Variants in NUGGC observed in about 807,000 individuals in gnomAD.
NUGGC encodes nuclear GTPase, germinal center associated.
In NUGGC, 58 loss-of-function variants were observed where a neutral mutation model predicts 92.6. That is an observed-to-expected ratio of 0.63 (90% CI 0.51 to 0.78). The LOEUF (loss-of-function observed/expected upper bound fraction) is 0.78. Among genes scored for constraint, NUGGC ranks in the 30% least tolerant of loss-of-function variants. The pLI is 0.00. For synonymous variants in NUGGC, 376 were observed against 366.4 expected, an observed-to-expected ratio of 1.03 and a Z score of -0.30; for missense variants, 925 against 964.6, an observed-to-expected ratio of 0.96 and a Z score of 0.54.
At chr8:28,080,158 T>C (rs570790169) in intron 1 of NUGGC, among the ~76,000 whole-genome samples, 2 of 152,170 alleles carry the variant, frequency 1.3e-5, no homozygotes, top group South Asian at 4.1e-4. Flanking sequence ...GCCAGGCTGG[T>C]CTCGAACCCC....
rs1809686501 is a variant in NUGGC at position 28,041,117 on chromosome 8, C to T, written c.1545G>A (p.Gln515=). ...AIAQCFACME[Q]PLQEGVRTAR... ...CGGTCCTGACCCCTTCTTGCAGAGGCTGCTCCATGCAGGCGAAGCACTGTG... is the reference window on the plus strand; with the variant it reads ...CGGTCCTGACCCCTTCTTGCAGAGGTTGCTCCATGCAGGCGAAGCACTGTG... The change falls in exon 13 of 19, where the codon CAG becomes CAA. Residue 515 remains glutamine, a synonymous_variant. Coordinates refer to ENST00000413272, the MANE Select transcript of NUGGC (RefSeq NM_001010906.2). 38 of 1,608,904 alleles carry T rather than the reference C, an allele frequency of 2.4e-5. No individual in the cohort carries two copies. The highest frequency in any genetic ancestry group is 3.2e-5 in the Non-Finnish European group (38 of 1,177,880).
intron 5 of NUGGC, 117 bp downstream of exon 5, chr8:28,068,099 G>T: frequency 1.6e-6 from 1 of 635,860 alleles, no homozygotes; most frequent in Non-Finnish European, 2.8e-6. Flanking sequence ...AAGGAAAGAA[G>T]GGAGAGAGGG....
At chr8:28,080,657 T>C (rs13271706) in intron 1 of NUGGC, among the ~76,000 whole-genome samples, 60,099 of 152,054 alleles carry the variant, frequency 0.4, 13,525 homozygotes, top group Middle Eastern at 0.52. Flanking sequence ...GATAGATCTA[T>C]CTAGATCTAG....
Position 28,030,345 on chromosome 8 carries a change from G to T in NUGGC, c.1982C>A (p.Ala661Asp), listed in dbSNP as rs1460571964. Residue 661 changes from alanine to aspartate, a missense_variant, in exon 16 of 19, where the codon GCC becomes GAC. Transcript: ENST00000413272. ...RKRRIYESLT[A>D]SVQSDLKLCY... ...GAGCTTCAGGTCACTCTGGACAGAG[G>T]CAGTGAGGGACTCGTAGATCCTCCT... 1.3e-6 allele frequency: 2 copies of T among 1,578,472 alleles called. No individual in the cohort carries two copies. The highest frequency in any genetic ancestry group is 1.8e-5 in the Admixed American group (1 of 55,358).
intron 8 of NUGGC, among the ~76,000 whole-genome samples, chr8:28,059,608 G>A (rs1341771015): frequency 6.6e-6 from 1 of 152,144 alleles, no homozygotes; most frequent in Non-Finnish European, 1.5e-5. Flanking sequence ...AACCACCATG[G>A]CACATGTTTA....
At chr8:28,028,286 C>A (rs1369271441) in intron 17 of NUGGC, among the ~76,000 whole-genome samples, 4 of 152,128 alleles carry the variant, frequency 2.6e-5, no homozygotes, top group Non-Finnish European at 5.9e-5. Flanking sequence ...AATTTTTAGA[C>A]GGTGATAACA....
At chr8:28,068,142 G>A in intron 5 of NUGGC, 74 bp downstream of exon 5, 1 of 836,210 alleles carries the variant, frequency 1.2e-6, no homozygotes, top group Non-Finnish European at 2.0e-6. Flanking sequence ...AAGAAAGGAA[G>A]GAGGGAACGA....
chr8:28,059,886 C>T lies in NUGGC; in HGVS notation c.1097+540G>A, dbSNP rs1242609483. 3.3e-5 allele frequency among the ~76,000 whole-genome samples: 5 copies of T among 151,944 alleles called. 1 individual carries two copies. The highest frequency in any genetic ancestry group is 4.2e-4 in the South Asian group (2 of 4,816). On this transcript the variant is annotated intron_variant, in intron 8 of 18. Transcript: ENST00000413272. Reference sequence around the variant, plus strand: ...AAATACAAAAATTAGCTGGGTGGACCGGCCGGCGCCTGTAATCCCAGCCAC... The same window carrying T: ...AAATACAAAAATTAGCTGGGTGGACTGGCCGGCGCCTGTAATCCCAGCCAC...
chr8:28,070,806 C>T (rs903624710), intron 2 of NUGGC, among the ~76,000 whole-genome samples: 5 of 150,604 alleles, frequency 3.3e-5, no homozygotes, highest in African/African-American at 9.8e-5. Flanking sequence ...AGGCTGGTCT[C>T]GAACTTACCA....
Position 28,039,919 on chromosome 8 carries a change from G to A in NUGGC, c.1611+1132C>T, listed in dbSNP as rs529304065. 7.9e-5 allele frequency among the ~76,000 whole-genome samples: 12 copies of A among 152,290 alleles called. No individual in the cohort carries two copies. The South Asian group carries it at 2.3e-3, about 29-fold the overall frequency. On this transcript the variant is annotated intron_variant, in intron 13 of 18. Transcript: ENST00000413272. ...AAGGAGGTAATTAAGGTTAAATGGG[G>A]TCATAAGGGTGGGGCCCTGATCTGA...
rs970351398 is a variant in NUGGC, at chr8:28,047,761, T to C, written c.1207-149A>G. On this transcript the variant is annotated intron_variant, in intron 10 of 18. Transcript: ENST00000413272. ...CTCTGGGAACAGACAATGTTCTCAA[T>C]GTCTGGTGTTGCCATCTGTCCACTC... 1.8e-5 allele frequency: 10 copies of C among 551,392 alleles called. No homozygotes were observed. The Admixed American group carries it at 1.9e-4, about 11-fold the overall frequency. 34.2% of individuals were successfully genotyped at this position (551,392 alleles called of 1,614,324 possible).
chr8:28,080,330 AT>A, intron 1 of NUGGC, among the ~76,000 whole-genome samples: 1 of 152,108 alleles, frequency 6.6e-6, no homozygotes, highest in Non-Finnish European at 1.5e-5. Context: ...TTTTCACTGC[AT>A]TTTTTCTGTG....
intron 12 of NUGGC, among the ~76,000 whole-genome samples, chr8:28,041,605 C>A (rs934445115): frequency 1.2e-4 from 18 of 152,162 alleles, no homozygotes; most frequent in African/African-American, 4.3e-4. Flanking sequence ...GGACTCTGCA[C>A]GAAGGAGTTT....
intron 8 of NUGGC, 77 bp downstream of exon 8, chr8:28,060,349 T>A (rs750623375): frequency 2.9e-6 from 4 of 1,382,058 alleles, no homozygotes; most frequent in Non-Finnish European, 4.1e-6. Flanking sequence ...AAAGTCAAGC[T>A]CCATGCTACT....
In NUGGC at chr8:28,060,451, T is replaced by C; in HGVS notation, c.1072A>G (p.Lys358Glu). ...DVALVVTKMD[K>E]LHLPEYLRER... Reference sequence around the variant, plus strand: ...CTTAGGTATTCTGGCAAGTGGAGTTTGTCCATCTTGGTGACCACCAGGGCC... The same window carrying C: ...CTTAGGTATTCTGGCAAGTGGAGTTCGTCCATCTTGGTGACCACCAGGGCC... Residue 358 changes from lysine to glutamate, a missense_variant, in exon 8 of 19, where the codon AAA becomes GAA. By Grantham distance (56) the Lys-to-Glu change is moderately conservative. Transcript: ENST00000413272. 6.2e-7 allele frequency: 1 copy of C among 1,613,796 alleles called. No individual in the cohort carries two copies. Among genetic ancestry groups the C allele is most frequent in the African/African-American group, 1.3e-5 (1 of 75,024 alleles).
At chr8:28,063,209 C>T (rs1810350300) in intron 7 of NUGGC, among the ~76,000 whole-genome samples, 1 of 152,148 alleles carries the variant, frequency 6.6e-6, no homozygotes, top group South Asian at 2.1e-4. Flanking sequence ...GTCAAGAAAA[C>T]CCACAAGAAT....
intron 13 of NUGGC, among the ~76,000 whole-genome samples, chr8:28,034,644 C>G (rs550367071): frequency 2.0e-5 from 3 of 151,948 alleles, no homozygotes; most frequent in Non-Finnish European, 4.4e-5. Context: ...GGTGAAACCC[C>G]CATCTCTACT....
intron 9 of NUGGC, among the ~76,000 whole-genome samples, chr8:28,056,858 CT>C (rs887561929): frequency 6.6e-6 from 1 of 152,208 alleles, no homozygotes; most frequent in Non-Finnish European, 1.5e-5. Context: ...ATAAAATTAA[CT>C]GTAGTACATA....
intron 13 of NUGGC, among the ~76,000 whole-genome samples, chr8:28,040,646 T>C (rs1365819938): frequency 6.6e-6 from 1 of 152,020 alleles, no homozygotes; most frequent in African/African-American, 2.4e-5. Flanking sequence ...TTTTTGTTTT[T>C]TGTTCTTGTT....
Sources: gnomAD v4.1 joint callset for allele counts (sites outside exome capture counted in the v4.1 genomes callset) on GRCh38, gnomAD v4.1.1 for gene constraint, MANE v1.5 for transcripts, NCBI Gene and HGNC (gene_info 2026-07-23, HGNC 2026-07-21) for gene names.